Variants in L2HGDH observed in about 807,000 individuals in gnomAD.
L2HGDH encodes the protein L-2-hydroxyglutarate dehydrogenase, also known as L-2-hydroxyglutarate dehydrogenase, mitochondrial.
L2HGDH carries 34 observed loss-of-function variants against 51.5 expected under a neutral mutation model. The ratio of observed to expected loss-of-function variants is 0.66; its 90% CI spans 0.50 to 0.88. The LOEUF (loss-of-function observed/expected upper bound fraction) is 0.88, where lower values mean the gene tolerates loss of function less well. Ranked by LOEUF, L2HGDH falls within the 40% of genes least tolerant of loss-of-function variation. The pLI is 0.00. For synonymous variants in L2HGDH, 198 were observed against 197.9 expected (o/e 1.00, Z -0.01); for missense variants, 558 against 571.9 (o/e 0.98, Z 0.25).
chr14:50,292,581 C>G (rs566743669), intron 4 of L2HGDH, among the ~76,000 whole-genome samples: 4 of 152,254 alleles, frequency 2.6e-5, no homozygotes, highest in African/African-American at 9.6e-5. Flanking sequence ...TGGCGCATGT[C>G]TGTAATCCCA....
chr14:50,281,117 T>C (rs1890244612), intron 5 of L2HGDH, among the ~76,000 whole-genome samples: 1 of 152,168 alleles, frequency 6.6e-6, no homozygotes, highest in Admixed American at 6.5e-5. Flanking sequence ...TTAGATTTGC[T>C]GTCCAGACTT....
chr14:50,284,391 C>T (rs1032285288), intron 4 of L2HGDH, among the ~76,000 whole-genome samples: 2 of 152,138 alleles, frequency 1.3e-5, no homozygotes, highest in Non-Finnish European at 2.9e-5. Context: ...CTGCCCAGAC[C>T]CTATCTTTGA....
chr14:50,260,288 G>A (rs528422304), intron 9 of L2HGDH, among the ~76,000 whole-genome samples: 64 of 152,256 alleles, frequency 4.2e-4, no homozygotes, highest in African/African-American at 1.5e-3. Context: ...TTACATTAGA[G>A]TCTGAGTTCC....
Position 50,244,402 on chromosome 14 carries a change from G to A in L2HGDH, c.*2656C>T. ...AATGGATTGAGGACTGCTTCAATTA[G>A]GACAATCATTTTTTGTAATTCAATG... On this transcript the variant is annotated 3_prime_UTR_variant, in exon 10 of 10. Coordinates refer to ENST00000267436, the MANE Select transcript of L2HGDH (RefSeq NM_024884.3). The A allele has an allele frequency of 1.0e-6, 1 of 985,284 alleles. No homozygotes were observed. Among genetic ancestry groups the A allele is most frequent in the Non-Finnish European group, 1.2e-6 (1 of 829,842 alleles). The allele number at this position is 985,284 out of a possible 1,614,324, so 61.0% of individuals were successfully genotyped here.
intron 6 of L2HGDH, among the ~76,000 whole-genome samples, chr14:50,276,952 C>T (rs1262019671): frequency 2.6e-5 from 4 of 152,170 alleles, no homozygotes; most frequent in African/African-American, 7.2e-5. Flanking sequence ...CTGGTATCTA[C>T]CCACCAAATC....
chr14:50,254,795 T>G (rs957926652), intron 9 of L2HGDH, among the ~76,000 whole-genome samples: 4 of 151,838 alleles, frequency 2.6e-5, no homozygotes, highest in African/African-American at 9.7e-5. Flanking sequence ...TCCTAGAACT[T>G]TGGGAGGCCA....
chr14:50,250,747 A>G (rs1888301197), intron 9 of L2HGDH, among the ~76,000 whole-genome samples: 1 of 152,238 alleles, frequency 6.6e-6, no homozygotes, highest in African/African-American at 2.4e-5. Context: ...AGGGAAAAGA[A>G]CAAGAGTCTC....
At chr14:50,294,074 A>AC in intron 4 of L2HGDH, 41 bp downstream of exon 4, 1 of 1,609,510 alleles carries the variant, frequency 6.2e-7, no homozygotes, top group South Asian at 1.1e-5. Context: ...ATGTCTCAGG[A>AC]CTAAGCCCTA....
At position 50,281,398 on chromosome 14, in the gene L2HGDH, G is replaced by A. The variant is rs998571776; in HGVS notation, c.703+2473C>T. Among the ~76,000 whole-genome samples the A allele has an allele frequency of 7.2e-5, 11 of 151,942 alleles. 1 individual carries two copies. Among genetic ancestry groups the A allele is most frequent in the African/African-American group, 2.7e-4 (11 of 41,364 alleles). ...ACCTGAGGTTAAGCGTTTAAGACCA[G>A]CCTGGCCAACACGGTGAAACCACGT... On this transcript the variant is annotated intron_variant, in intron 5 of 9. Transcript: ENST00000267436.
rs923952376 is a variant in L2HGDH, at chr14:50,244,330, C to T, written c.*2728G>A. 2.1e-6 allele frequency: 2 copies of T among 947,874 alleles called. No individual in the cohort carries two copies. The highest frequency in any genetic ancestry group is 3.5e-5 in the African/African-American group (2 of 56,378). 58.7% of individuals were successfully genotyped at this position (947,874 alleles called of 1,614,324 possible). A position where few individuals can be genotyped will look rare whatever the true frequency, so the allele number is the denominator to read the frequency against. On this transcript the variant is annotated 3_prime_UTR_variant, in exon 10 of 10. Coordinates refer to ENST00000267436, the MANE Select transcript of L2HGDH (RefSeq NM_024884.3). Reference sequence around the variant, plus strand: ...TAAAAGTGTTCCTATTTCTCCACATCCTCTCCAGCACCTGTTGTTTCCTTT... The same window carrying T: ...TAAAAGTGTTCCTATTTCTCCACATTCTCTCCAGCACCTGTTGTTTCCTTT...
intron 1 of L2HGDH, among the ~76,000 whole-genome samples, chr14:50,310,936 C>CTTTTTTTTTTTTTTTT (rs34399906): frequency 4.7e-4 from 39 of 82,202 alleles, no homozygotes; most frequent in East Asian, 2.1e-3. Flanking sequence ...CTTTTCTTTT[C>CTTTTTTTTTTTTTTTT]TTTTTTTTTT....
chr14:50,273,566 A>G (rs188867056), intron 6 of L2HGDH, among the ~76,000 whole-genome samples: 13 of 152,212 alleles, frequency 8.5e-5, no homozygotes, highest in African/African-American at 2.9e-4. Flanking sequence ...TTTTTAATAT[A>G]TAAGGCACCA....
chr14:50,304,573 C>T (rs1415656557), intron 1 of L2HGDH, among the ~76,000 whole-genome samples: 4 of 152,198 alleles, frequency 2.6e-5, no homozygotes, highest in African/African-American at 4.8e-5. Flanking sequence ...TGGTGGCTCA[C>T]GCCTGTAATC....
chr14:50,296,372 CAAA>C (rs59868876), intron 3 of L2HGDH, among the ~76,000 whole-genome samples: 4 of 31,446 alleles, frequency 1.3e-4, no homozygotes, highest in South Asian at 1.6e-3. Flanking sequence ...GACCCTGTCT[CAAA>C]AAAAAAAAAA....
intron 9 of L2HGDH, among the ~76,000 whole-genome samples, chr14:50,259,250 T>C (rs2139952453): frequency 6.6e-6 from 1 of 151,998 alleles, no homozygotes; most frequent in East Asian, 1.9e-4. Flanking sequence ...TAGCTAGGAC[T>C]ATATGCATGA....
intron 6 of L2HGDH, among the ~76,000 whole-genome samples, chr14:50,272,413 G>C (rs973159110): frequency 6.6e-6 from 1 of 152,170 alleles, no homozygotes; most frequent in Non-Finnish European, 1.5e-5. Context: ...TGCCACCTGG[G>C]TCACATGACC....
chr14:50,280,732 T>G (rs1328170711), intron 5 of L2HGDH, among the ~76,000 whole-genome samples: 2 of 152,190 alleles, frequency 1.3e-5, no homozygotes, highest in Non-Finnish European at 2.9e-5. Context: ...CAGGCTGGTC[T>G]TGAACTCCTG....
At chr14:50,262,378 C>T (rs1041903006) in intron 9 of L2HGDH, among the ~76,000 whole-genome samples, 2 of 150,148 alleles carry the variant, frequency 1.3e-5, no homozygotes, top group African/African-American at 2.5e-5. Context: ...TGTAGTAAGC[C>T]GACATTGTAC....
intron 9 of L2HGDH, among the ~76,000 whole-genome samples, chr14:50,259,363 TC>T (rs1284671765): frequency 2.0e-4 from 16 of 80,728 alleles, no homozygotes; most frequent in Admixed American, 4.0e-4. Flanking sequence ...TTTTTCTTTT[TC>T]GGTTTTTTTT....
Sources: gnomAD v4.1 joint callset for allele counts (sites outside exome capture counted in the v4.1 genomes callset) on GRCh38, gnomAD v4.1.1 for gene constraint, MANE v1.5 for transcripts, NCBI Gene and HGNC (gene_info 2026-07-23, HGNC 2026-07-21) for gene names.